The following PTPRN2 variants were observed in gnomAD, a reference collection of about 807,000 sequenced individuals.
PTPRN2 encodes receptor-type tyrosine-protein phosphatase N2.
PTPRN2 carries 74 observed loss-of-function variants against 118.8 expected under a neutral mutation model. That is an observed-to-expected ratio of 0.62 (90% confidence interval 0.52 to 0.76). The LOEUF is 0.76. Ranked by LOEUF, PTPRN2 falls within the 30% of genes least tolerant of loss-of-function variation. The pLI, the probability that PTPRN2 is intolerant of heterozygous loss-of-function variation, is 0.00. For missense variants in PTPRN2, 1,481 were observed against 1,394.4 expected (o/e 1.06, Z -0.99); for synonymous variants, 641 against 608.0 (o/e 1.05, Z -0.80).
chr7:157,840,410 CTGTGTGACTGT>C (rs1808329733), intron 12 of PTPRN2, among the ~76,000 whole-genome samples: 3 of 133,988 alleles, frequency 2.2e-5, no homozygotes, highest in African/African-American at 8.2e-5. Flanking sequence ...CCGTGTGTGA[CTGTGTGACTGT>C]GTGTGACTGT....
At chr7:157,848,301 T>C (rs1292406396) in intron 12 of PTPRN2, among the ~76,000 whole-genome samples, 2 of 150,104 alleles carry the variant, frequency 1.3e-5, no homozygotes, top group Admixed American at 6.6e-5. Flanking sequence ...TTACATCGTG[T>C]GTGCCTGATG....
chr7:158,190,307 G>A (rs529139687), intron 5 of PTPRN2, among the ~76,000 whole-genome samples: 22 of 152,180 alleles, frequency 1.4e-4, no homozygotes, highest in Non-Finnish European at 2.6e-4. Context: ...TCCACCTTCT[G>A]CATCCACAAA....
intron 3 of PTPRN2, among the ~76,000 whole-genome samples, chr7:158,262,004 C>T (rs556432180): frequency 3.9e-5 from 6 of 152,308 alleles, no homozygotes; most frequent in Non-Finnish European, 8.8e-5. Context: ...ACAGGAGGGG[C>T]CACAGCCGCC....
chr7:158,071,768 G>GGTGTAGGTGCTCATAGT (rs1285855868), intron 11 of PTPRN2, among the ~76,000 whole-genome samples: 15 of 134,730 alleles, frequency 1.1e-4, no homozygotes, highest in African/African-American at 4.3e-4. Context: ...TGCTCGTGGT[G>GGTGTAGGTGCTCATAGT]ATGGAGGTGC....
At chr7:158,070,671 T>C (rs543831795) in intron 11 of PTPRN2, among the ~76,000 whole-genome samples, 988 of 85,806 alleles carry the variant, frequency 0.012, 22 homozygotes, top group Non-Finnish European at 0.019. Context: ...CTCCTGGTGG[T>C]GGAGGTGCCC....
intron 11 of PTPRN2, among the ~76,000 whole-genome samples, chr7:158,071,452 TGGTTGAGGTG>T (rs1811622015): frequency 1.3e-5 from 1 of 75,524 alleles, no homozygotes; most frequent in Non-Finnish European, 2.9e-5. Flanking sequence ...GAGGTGCTCG[TGGTTGAGGTG>T]CTCGTGGTGG....
chr7:157,566,330 C>T (rs1009659641), intron 21 of PTPRN2, among the ~76,000 whole-genome samples: 1 of 152,214 alleles, frequency 6.6e-6, no homozygotes, highest in Non-Finnish European at 1.5e-5. Context: ...ATTTGAGAAA[C>T]GCTGGGTCTG....
chr7:158,017,682 C>T (rs118049176), intron 11 of PTPRN2, among the ~76,000 whole-genome samples: 2,409 of 152,294 alleles, frequency 0.016, 32 homozygotes, highest in Non-Finnish European at 0.025. Context: ...TCCCCAGCAG[C>T]AGCCCACGTG....
chr7:158,174,309 C>A (rs905217214), intron 5 of PTPRN2, among the ~76,000 whole-genome samples: 2 of 152,176 alleles, frequency 1.3e-5, no homozygotes, highest in African/African-American at 4.8e-5. Flanking sequence ...ACTATCTCCA[C>A]CATCAACAGC....
At chr7:158,456,541 C>T (rs1207532440) in intron 2 of PTPRN2, among the ~76,000 whole-genome samples, 2 of 151,146 alleles carry the variant, frequency 1.3e-5, no homozygotes, top group African/African-American at 2.4e-5. Context: ...CATCGCTCTG[C>T]GGAGAACATA....
At chr7:158,111,458 C>T (rs1038384897) in intron 9 of PTPRN2, among the ~76,000 whole-genome samples, 4 of 152,186 alleles carry the variant, frequency 2.6e-5, no homozygotes, top group Non-Finnish European at 4.4e-5. Context: ...GGGACCTGTC[C>T]GTCAAGAGGC....
chr7:158,365,751 G>A (rs4909201), intron 2 of PTPRN2, among the ~76,000 whole-genome samples: 120,268 of 137,948 alleles, frequency 0.87, 52,683 homozygotes, highest in Non-Finnish European at 0.93. Context: ...GGGAGAAGCC[G>A]AAGCCCAGTG....
intron 6 of PTPRN2, among the ~76,000 whole-genome samples, chr7:158,139,936 C>T (rs751361438): frequency 6.8e-6 from 1 of 146,692 alleles, no homozygotes; most frequent in Non-Finnish European, 1.5e-5. Flanking sequence ...TTTCATATCA[C>T]GTATGTGAAC....
At chr7:158,206,068 G>A (rs1827119647) in intron 3 of PTPRN2, among the ~76,000 whole-genome samples, 1 of 152,140 alleles carries the variant, frequency 6.6e-6, no homozygotes, top group South Asian at 2.1e-4. Flanking sequence ...TGGACTTGGG[G>A]TGCAGACAAC....
rs1424219553 is a variant in PTPRN2 at position 158,529,757 on chromosome 7, G to A, written c.113-39972C>T. Among the ~76,000 whole-genome samples the A allele has an allele frequency of 6.6e-6, 1 of 152,150 alleles. No homozygotes were observed. The highest frequency in any genetic ancestry group is 1.5e-5 in the Non-Finnish European group (1 of 68,024). On this transcript the variant is annotated intron_variant, in intron 1 of 22. Coordinates refer to ENST00000389418, the MANE Select transcript of PTPRN2 (RefSeq NM_002847.5). This position sits in a 1 kb window ranked among gnomAD's most constrained non-coding sequence, Gnocchi z 4.7. ...GGTCACCAGAAGGGGCCAGGCGGGA[G>A]CAGGACCAGCTCACAGTCTCCCCAG...
intron 12 of PTPRN2, among the ~76,000 whole-genome samples, chr7:157,839,413 G>A (rs10240814): frequency 6.6e-6 from 1 of 151,550 alleles, no homozygotes; most frequent in Non-Finnish European, 1.5e-5. Flanking sequence ...GTGTGTTTGT[G>A]TTTGTGAGAG....
chr7:157,726,799 T>C (rs1340436500), intron 12 of PTPRN2, among the ~76,000 whole-genome samples: 2 of 152,176 alleles, frequency 1.3e-5, no homozygotes, highest in East Asian at 3.8e-4. Flanking sequence ...CTTCCACAAC[T>C]CAACTACAAT....
intron 9 of PTPRN2, among the ~76,000 whole-genome samples, chr7:158,132,467 ACACT>A (rs1818427595): frequency 1.3e-5 from 2 of 149,892 alleles, no homozygotes; most frequent in Admixed American, 1.3e-4. Context: ...GACACAACAC[ACACT>A]CGTATACACA....
chr7:157,909,376 C>T lies in PTPRN2; in HGVS notation c.1724-10639G>A, dbSNP rs540360391. Among the ~76,000 whole-genome samples the T allele has an allele frequency of 2.6e-5, 4 of 152,338 alleles. No individual in the cohort carries two copies. In the East Asian group the frequency reaches 5.8e-4, roughly 22 times the overall value. On this transcript the variant is annotated intron_variant, in intron 11 of 22. Coordinates refer to ENST00000389418, the MANE Select transcript of PTPRN2 (RefSeq NM_002847.5). ...CCCTCGACAGCTGGACAGGGGCTGA[C>T]TCTATACACTGGGGGGGGGAGGATG...
Sources: gnomAD v4.1 joint callset for allele counts (sites outside exome capture counted in the v4.1 genomes callset) on GRCh38, gnomAD v4.1.1 for gene constraint, Gnocchi (gnomAD v3.1) non-coding constraint, MANE v1.5 for transcripts, NCBI Gene and HGNC (gene_info 2026-07-23, HGNC 2026-07-21) for gene names.